CDH9: variants seen among roughly 807,000 people sequenced by gnomAD.
The protein encoded by CDH9 is cadherin 9, also known as cadherin-9.
CDH9 carries 28 observed loss-of-function variants against 70.9 expected under a neutral mutation model. The observed-to-expected ratio is 0.40, with a 90% confidence interval of 0.29 to 0.54. CDH9 has a LOEUF of 0.54. Among genes scored for constraint, CDH9 ranks in the 20% least tolerant of loss-of-function variants. The probability of loss-of-function intolerance (pLI) is 0.59; values close to 1 mark genes in which losing one functional copy is unlikely to be tolerated. For synonymous variants in CDH9, 409 were observed against 343.1 expected (o/e 1.19, Z -2.12); for missense variants, 874 against 984.4 (o/e 0.89, Z 1.50).
At chr5:26,915,538 A>G (rs1165815243) in intron 3 of CDH9, 92 bp downstream of exon 3, 18 of 736,474 alleles carry the variant, frequency 2.4e-5, no homozygotes, top group Non-Finnish European at 4.0e-5. Context: ...CTTATTCTGA[A>G]AGAGGCCACA....
At chr5:26,931,554 T>C (rs1741462182) in intron 2 of CDH9, among the ~76,000 whole-genome samples, 1 of 152,092 alleles carries the variant, frequency 6.6e-6, no homozygotes. Context: ...AAAACCTACA[T>C]TGCGTGAGTA....
chr5:26,881,592 C>T lies in CDH9; in HGVS notation c.1914G>A (p.Arg638=), dbSNP rs3811914. ...TTATCAGAGGTTCCTTTTTTCTTTGCCTCTTCAATGCAGCAAACAACACGA... is the reference window on the plus strand; with the variant it reads ...TTATCAGAGGTTCCTTTTTTCTTTGTCTCTTCAATGCAGCAAACAACACGA... ...ILVVLFAALK[R]QRKKEPLIIS... is the part of the protein sequence containing the mutation. Residue 638 remains arginine (R), a synonymous_variant, in exon 12 of 12, where the codon AGG becomes AGA. Transcript: ENST00000231021. The T allele has an allele frequency of 6.0e-5, 97 of 1,611,480 alleles. 1 individual carries two copies. In the East Asian group the frequency reaches 2.0e-3, roughly 33 times the overall value.
chr5:26,940,571 GC>G (rs1430252348), intron 2 of CDH9, among the ~76,000 whole-genome samples: 1 of 152,154 alleles, frequency 6.6e-6, no homozygotes, highest in Non-Finnish European at 1.5e-5. Flanking sequence ...CCTGGCCCAA[GC>G]CCAAATGCCT....
At chr5:26,891,537 G>A (rs1261810826) in intron 7 of CDH9, among the ~76,000 whole-genome samples, 1 of 152,036 alleles carries the variant, frequency 6.6e-6, no homozygotes, top group African/African-American at 2.4e-5. Flanking sequence ...AATTAGCCAG[G>A]CATGGTGGCA....
chr5:26,998,527 C>T (rs1742706220), intron 1 of CDH9, among the ~76,000 whole-genome samples: 1 of 150,874 alleles, frequency 6.6e-6, no homozygotes, highest in Non-Finnish European at 1.5e-5. Flanking sequence ...GGGAATTGAA[C>T]AATGAGAACA....
intron 2 of CDH9, among the ~76,000 whole-genome samples, chr5:26,916,335 A>AT (rs1741149067): frequency 6.6e-6 from 1 of 151,996 alleles, no homozygotes; most frequent in African/African-American, 2.4e-5. Context: ...TTCTGAAGGT[A>AT]TTATAATGAC....
intron 1 of CDH9, among the ~76,000 whole-genome samples, chr5:27,009,555 T>C (rs1742922497): frequency 6.6e-6 from 1 of 152,232 alleles, no homozygotes; most frequent in Admixed American, 6.5e-5. Flanking sequence ...TCCATTCACC[T>C]TCTGGAATAC....
At chr5:27,028,243 T>G (rs1835050) in intron 1 of CDH9, 79,283 of 151,748 alleles carry the variant, frequency 0.52, 22,203 homozygotes, top group African/African-American at 0.69. Flanking sequence ...GCTGGGAATG[T>G]TGGCACGCAC....
chr5:26,951,909 C>T (rs12153281), intron 2 of CDH9, among the ~76,000 whole-genome samples: 106,227 of 151,672 alleles, frequency 0.7, 40,923 homozygotes, highest in East Asian at 0.99. Flanking sequence ...TATGCTATGG[C>T]TCACATGTTT....
At chr5:26,972,022 G>C (rs2112074148) in intron 2 of CDH9, among the ~76,000 whole-genome samples, 1 of 152,254 alleles carries the variant, frequency 6.6e-6, no homozygotes, top group East Asian at 1.9e-4. Flanking sequence ...TAATAATAGT[G>C]AATGTCCTAT....
chr5:26,892,233 C>A (rs1434951355), intron 7 of CDH9, among the ~76,000 whole-genome samples: 1 of 152,122 alleles, frequency 6.6e-6, no homozygotes, highest in African/African-American at 2.4e-5. Context: ...TTTTTTACAT[C>A]TTTGTGAGAT....
chr5:27,030,421 A>C lies in CDH9; in HGVS notation c.-50+8042T>G, dbSNP rs1222535043. On this transcript the variant is annotated intron_variant, in intron 1 of 11. Transcript: ENST00000231021. ...TTAAAAAGGAGAAGCACTTTTAGTT[A>C]AATTTATTCCGTCTTTGAAGTAAAA... is the stretch of plus-strand genomic sequence containing the variant. 2.0e-5 allele frequency among the ~76,000 whole-genome samples: 3 copies of C among 151,804 alleles called. No individual in the cohort carries two copies. The Admixed American group carries it at 2.0e-4, about 10-fold the overall frequency.
chr5:26,944,354 T>C (rs1189542533), intron 2 of CDH9, among the ~76,000 whole-genome samples: 2 of 152,144 alleles, frequency 1.3e-5, no homozygotes, highest in East Asian at 3.9e-4. Flanking sequence ...ATATCTTGTC[T>C]CTAAAAAGGA....
chr5:26,887,754 C>T (rs1278620463), intron 9 of CDH9, among the ~76,000 whole-genome samples: 3 of 151,960 alleles, frequency 2.0e-5, no homozygotes, highest in African/African-American at 4.8e-5. Context: ...TGACTGGAGT[C>T]CTCATAAGAA....
chr5:27,033,738 T>G (rs918612097), intron 1 of CDH9, among the ~76,000 whole-genome samples: 8 of 151,636 alleles, frequency 5.3e-5, no homozygotes, highest in Non-Finnish European at 8.9e-5. Flanking sequence ...CTAGAAATTA[T>G]GTAATAATAC....
intron 3 of CDH9, among the ~76,000 whole-genome samples, chr5:26,907,575 T>A (rs1166673050): frequency 1.3e-5 from 2 of 152,114 alleles, no homozygotes; most frequent in Admixed American, 6.6e-5. Context: ...TTTTATATCA[T>A]TAAATTTAAA....
chr5:26,891,126 T>C (rs1231362383), intron 7 of CDH9, among the ~76,000 whole-genome samples: 1 of 152,030 alleles, frequency 6.6e-6, no homozygotes, highest in Admixed American at 6.6e-5. Flanking sequence ...CACCACAGAG[T>C]TCTGTGACTT....
intron 3 of CDH9, among the ~76,000 whole-genome samples, chr5:26,910,751 C>T (rs1322338915): frequency 2.0e-5 from 3 of 152,204 alleles, no homozygotes; most frequent in African/African-American, 4.8e-5. Flanking sequence ...AATAAGTTAA[C>T]GAAAGTTACA....
At chr5:26,898,709 A>T (rs1460107295) in intron 7 of CDH9, among the ~76,000 whole-genome samples, 1 of 152,196 alleles carries the variant, frequency 6.6e-6, no homozygotes, top group Non-Finnish European at 1.5e-5. Flanking sequence ...ACCTAAAACC[A>T]TAAAAACCCT....
Sources: allele counts gnomAD v4.1 joint callset (sites outside exome capture counted in the v4.1 genomes callset), GRCh38; gene constraint gnomAD v4.1.1; transcripts MANE v1.5; gene names NCBI Gene and HGNC (gene_info 2026-07-23, HGNC 2026-07-21).